Variants in TMPRSS5 observed in about 807,000 individuals in gnomAD.
TMPRSS5 encodes the protein transmembrane protease serine 5.
In TMPRSS5, 45 loss-of-function variants were observed where a neutral mutation model predicts 59.7. That is an observed-to-expected ratio of 0.75 (90% CI 0.59 to 0.97). The LOEUF is 0.97. Among genes scored for constraint, TMPRSS5 ranks in the 50% least tolerant of loss-of-function variants. The pLI, the probability that TMPRSS5 is intolerant of heterozygous loss-of-function variation, is 0.00. For synonymous variants in TMPRSS5, 225 were observed against 232.0 expected, an observed-to-expected ratio of 0.97 and a Z score of 0.27; for missense variants, 585 against 596.7, an observed-to-expected ratio of 0.98 and a Z score of 0.20.
chr11:113,692,606 G>T (rs1313651529), intron 9 of TMPRSS5, among the ~76,000 whole-genome samples: 2 of 152,226 alleles, frequency 1.3e-5, no homozygotes, highest in African/African-American at 4.8e-5. Flanking sequence ...TGACCTTGAA[G>T]AGAGTTGCTT....
At chr11:113,699,211 GTCTCTCTC>G (rs1221479693) in intron 3 of TMPRSS5, among the ~76,000 whole-genome samples, 184 bp from the exon 4 acceptor site, 25 of 63,006 alleles carry the variant, frequency 4.0e-4, no homozygotes, top group African/African-American at 6.3e-4. Flanking sequence ...TTGTCTGTCT[GTCTCTCTC>G]TCTCTCTCTC....
intron 1 of TMPRSS5, among the ~76,000 whole-genome samples, chr11:113,700,954 T>A (rs1240831182): frequency 6.6e-6 from 1 of 152,204 alleles, no homozygotes; most frequent in African/African-American, 2.4e-5. Context: ...CTGATGGTTT[T>A]ATATGGGGCT....
In TMPRSS5 at chr11:113,699,258, TCTCTCTCTCTCTCC is replaced by T. The variant is rs1565263649; in HGVS notation, c.206-245_206-232del. Among the ~76,000 whole-genome samples the T allele has an allele frequency of 8.9e-4, 46 of 51,824 alleles. 3 individuals carry two copies. The highest frequency in any genetic ancestry group is 2.4e-3 in the East Asian group (4 of 1,654). 34.0% of individuals were successfully genotyped at this position (51,824 alleles called of 152,430 possible). On this transcript the variant is annotated intron_variant, in intron 3 of 12. Transcript: ENST00000299882. ...CTCTCTCTCTCTCTCTCTCTCTCTCTCTCTCTCTCTCTCCCTCTCTCTCTCTCTCTCTCTGTCTC... is the reference window on the plus strand; with the variant it reads ...CTCTCTCTCTCTCTCTCTCTCTCTCTCTCTCTCTCTCTCTCTCTCTGTCTC...
At chr11:113,690,066 C>A (rs1181467577) in intron 11 of TMPRSS5, 149 bp from the exon 12 acceptor site, 1 of 1,278,750 alleles carries the variant, frequency 7.8e-7, no homozygotes, top group South Asian at 1.5e-5. Flanking sequence ...CTCCTTAAAC[C>A]CTTAGCATGA....
At chr11:113,698,732 C>T in intron 4 of TMPRSS5, 173 bp downstream of exon 4, 1 of 751,524 alleles carries the variant, frequency 1.3e-6, no homozygotes, top group Non-Finnish European at 2.1e-6. Context: ...TGCTGAAAGC[C>T]CCAAATCAGA....
Position 113,697,356 on chromosome 11 carries a change from AG to A in TMPRSS5, c.390del (p.Trp131GlyfsTer32), listed in dbSNP as rs1245790487. 1 of 1,613,846 alleles carries A rather than the reference AG, an allele frequency of 6.2e-7. No individual in the cohort carries two copies. On this transcript the variant is annotated frameshift_variant, in exon 5 of 13. Transcript: ENST00000299882. LOFTEE classifies it high-confidence loss of function. Reference protein sequence around the residue: ...LLEAQVRDQPRWLLVCHEGWS... With the variant: ...LLEAQVRDQPXWLLVCHEGWS... ...CAGCCCTCATGGCAGACCAGGAGCC[AG>A]CGTGGCTGATCCCTCACTTGCGCTT...
chr11:113,688,610 G>A (rs1007311347), intron 12 of TMPRSS5, among the ~76,000 whole-genome samples: 7 of 152,012 alleles, frequency 4.6e-5, no homozygotes, highest in African/African-American at 9.7e-5. Context: ...CTGCTCTGTC[G>A]CCCAGCCTGG....
At chr11:113,699,789 A>G (rs961311407) in intron 2 of TMPRSS5, 96 bp from the exon 3 acceptor site, 5 of 1,418,966 alleles carry the variant, frequency 3.5e-6, no homozygotes, top group African/African-American at 1.4e-5. Flanking sequence ...GCACCCACAG[A>G]GCTCCAACAG....
Position 113,698,940 on chromosome 11 carries a change from G to A in TMPRSS5, c.293C>T (p.Ala98Val), listed in dbSNP as rs1214487536. Residue 98 changes from alanine to valine, a missense_variant, in exon 4 of 13, where the codon GCT becomes GTT. Ala to Val is a moderately conservative substitution (Grantham distance 64). Coordinates refer to ENST00000299882, the MANE Select transcript of TMPRSS5 (RefSeq NM_030770.4). ...AAGTGCAGGGAGCAGAGCTTCCTCAGCGCTGGCCTCTGAGCAGCTCAAAGT... is the reference window on the plus strand; with the variant it reads ...AAGTGCAGGGAGCAGAGCTTCCTCAACGCTGGCCTCTGAGCAGCTCAAAGT... ...EITLSCSEAS[A>V]EEALLPALPK... 3 of 1,595,916 alleles carry A rather than the reference G, an allele frequency of 1.9e-6. No homozygotes were observed. The highest frequency in any genetic ancestry group is 2.6e-6 in the Non-Finnish European group (3 of 1,171,364).
chr11:113,697,244 G>T, intron 5 of TMPRSS5, 39 bp downstream of exon 5: 1 of 1,588,600 alleles, frequency 6.3e-7, no homozygotes, highest in Non-Finnish European at 8.6e-7. Flanking sequence ...CACCAGCCAG[G>T]CCTCCCCCTT....
At chr11:113,705,055 CA>C (rs1953254896) in intron 1 of TMPRSS5, among the ~76,000 whole-genome samples, 1 of 152,132 alleles carries the variant, frequency 6.6e-6, no homozygotes, top group Non-Finnish European at 1.5e-5. Flanking sequence ...TAAGATCTCT[CA>C]AAACTGAAGC....
At chr11:113,692,545 G>T (rs1285204289) in intron 9 of TMPRSS5, among the ~76,000 whole-genome samples, 1 of 152,178 alleles carries the variant, frequency 6.6e-6, no homozygotes, top group African/African-American at 2.4e-5. Flanking sequence ...TCACGGGCAG[G>T]TGCAGCAGCA....
In TMPRSS5 at chr11:113,687,938, C is replaced by G; in HGVS notation, c.*322G>C. On this transcript the variant is annotated 3_prime_UTR_variant, in exon 13 of 13. Coordinates refer to ENST00000299882, the MANE Select transcript of TMPRSS5 (RefSeq NM_030770.4). The stretch of plus-strand genomic sequence containing the variant: ...CAGAAGGGCAGGCTTCCTGCTGCTT[C>G]TAGCAGCCTCTTCATCTCCAGCTCC... 1 of 309,688 alleles carries G rather than the reference C, an allele frequency of 3.2e-6. No individual in the cohort carries two copies. The highest frequency in any genetic ancestry group is 5.4e-5 in the East Asian group (1 of 18,558). 19.2% of individuals were successfully genotyped at this position (309,688 alleles called of 1,614,324 possible). A position where few individuals can be genotyped will look rare whatever the true frequency, so the allele number is the denominator to read the frequency against.
chr11:113,701,706 T>C (rs918747779), intron 1 of TMPRSS5, among the ~76,000 whole-genome samples: 1 of 152,170 alleles, frequency 6.6e-6, no homozygotes, highest in Non-Finnish European at 1.5e-5. Flanking sequence ...CACTGATCTG[T>C]TTCTCTCACT....
At position 113,690,456 on chromosome 11, in the gene TMPRSS5, T is replaced by G. The variant is rs368866653; in HGVS notation, c.1064-83A>C. The G allele has an allele frequency of 4.6e-6, 7 of 1,511,370 alleles. No individual in the cohort carries two copies. In the East Asian group the frequency reaches 7.3e-5, roughly 16 times the overall value. 93.6% of individuals were successfully genotyped at this position (1,511,370 alleles called of 1,614,324 possible). A position where few individuals can be genotyped will look rare whatever the true frequency, so the allele number is the denominator to read the frequency against. On this transcript the variant is annotated intron_variant, in intron 10 of 12. Transcript: ENST00000299882. ...CAGCAAGAGGGGAGGTAATTCGAAG[T>G]CCCAGAGACAGGGAGACCCAAAGAG...
chr11:113,692,599 C>G (rs976290926), intron 9 of TMPRSS5, among the ~76,000 whole-genome samples: 1 of 152,192 alleles, frequency 6.6e-6, no homozygotes, highest in African/African-American at 2.4e-5. Context: ...TGCCACATGA[C>G]CTTGAAGAGA....
At chr11:113,699,250 TCTCTCTCTCTCTCTCTCTCTCC>T (rs1953034510) in intron 3 of TMPRSS5, among the ~76,000 whole-genome samples, 2 of 85,560 alleles carry the variant, frequency 2.3e-5, no homozygotes, top group Non-Finnish European at 4.3e-5. Flanking sequence ...TCTCTCTCTC[TCTCTCTCTCTCTCTCTCTCTCC>T]CTCTCTCTCT....
chr11:113,692,771 CAG>C (rs1952818325), intron 9 of TMPRSS5, among the ~76,000 whole-genome samples: 1 of 152,124 alleles, frequency 6.6e-6, no homozygotes, highest in South Asian at 2.1e-4. Flanking sequence ...AGCCTGGGGA[CAG>C]GGGTGGAGCA....
chr11:113,698,089 G>A (rs948687102), intron 4 of TMPRSS5, among the ~76,000 whole-genome samples: 23 of 152,126 alleles, frequency 1.5e-4, no homozygotes, highest in African/African-American at 4.8e-4. Flanking sequence ...GGAAAGGCCC[G>A]GGGAGTACAC....
Sources: allele counts gnomAD v4.1 joint callset (sites outside exome capture counted in the v4.1 genomes callset), GRCh38; gene constraint gnomAD v4.1.1; transcripts MANE v1.5; gene names NCBI Gene and HGNC (gene_info 2026-07-23, HGNC 2026-07-21).